Variants in ELF1 observed in about 807,000 individuals in gnomAD.
ELF1 encodes the protein E74 like ETS transcription factor 1.
A neutral mutation model predicts 59.9 loss-of-function variants in ELF1; 24 were observed. The observed-to-expected ratio is 0.40, with a 90% CI of 0.29 to 0.56. The LOEUF (loss-of-function observed/expected upper bound fraction) is 0.56. ELF1 is among the 20% of genes least tolerant of loss of function. The pLI, the probability that ELF1 is intolerant of heterozygous loss-of-function variation, is 0.44. For synonymous variants in ELF1, 248 were observed against 266.2 expected (o/e 0.93, Z 0.67); for missense variants, 627 against 742.2 (o/e 0.84, Z 1.80).
intron 3 of ELF1, among the ~76,000 whole-genome samples, chr13:40,955,946 G>GGT (rs1430558417): frequency 3.5e-5 from 4 of 115,920 alleles, no homozygotes; most frequent in Admixed American, 7.7e-5. Flanking sequence ...CCGGGAGGGA[G>GGT]GCGGGGGGGT....
At chr13:40,951,301 A>C in intron 4 of ELF1, 28 bp downstream of exon 4, 1 of 1,545,892 alleles carries the variant, frequency 6.5e-7, no homozygotes, top group Non-Finnish European at 8.9e-7. Context: ...AACAAAGTAC[A>C]TAAACATAAA....
At chr13:41,016,129 C>T (rs1416148458) in intron 1 of ELF1, among the ~76,000 whole-genome samples, 1 of 152,118 alleles carries the variant, frequency 6.6e-6, no homozygotes, top group Non-Finnish European at 1.5e-5. Context: ...TGGTTCTGTT[C>T]TTTACTTCAC....
At chr13:40,974,919 T>TC (rs1294400397) in intron 2 of ELF1, among the ~76,000 whole-genome samples, 1 of 152,186 alleles carries the variant, frequency 6.6e-6, no homozygotes, top group Non-Finnish European at 1.5e-5. Flanking sequence ...CAGAAGGCAA[T>TC]CAGGCTTGTA....
chr13:40,974,257 A>G (rs552167179), intron 2 of ELF1, among the ~76,000 whole-genome samples: 51 of 148,690 alleles, frequency 3.4e-4, no homozygotes, highest in Admixed American at 1.1e-3. Context: ...CTGTAATTAT[A>G]CTAATTAGCT....
At chr13:41,015,169 A>G (rs1028762065) in intron 1 of ELF1, among the ~76,000 whole-genome samples, 7 of 152,180 alleles carry the variant, frequency 4.6e-5, no homozygotes, top group African/African-American at 1.7e-4. Context: ...CAACAATTGG[A>G]ACCAAAACAA....
chr13:40,983,363 A>C (rs886574025), intron 1 of ELF1, among the ~76,000 whole-genome samples: 1 of 152,232 alleles, frequency 6.6e-6, no homozygotes, highest in Non-Finnish European at 1.5e-5. Context: ...CTAGTGAATC[A>C]GTTTCCCTGA....
At chr13:41,012,167 G>A (rs1219342680) in intron 1 of ELF1, among the ~76,000 whole-genome samples, 1 of 151,874 alleles carries the variant, frequency 6.6e-6, no homozygotes, top group East Asian at 1.9e-4. Flanking sequence ...AGATAAATTA[G>A]CTAGGCGCCA....
chr13:40,962,388 A>G (rs1871882096), intron 2 of ELF1, among the ~76,000 whole-genome samples: 1 of 152,164 alleles, frequency 6.6e-6, no homozygotes, highest in African/African-American at 2.4e-5. Flanking sequence ...CTTTGGGATT[A>G]AAAAAAGAGA....
rs550098534 is a variant in ELF1, at chr13:41,042,935, G to A, written c.-229+17903C>T. Reference sequence around the variant, plus strand: ...ACAGTACCACCAACAGTGTAAAAGTGTTCCTATTTCTCCACATCCTCTCCA... The same window carrying A: ...ACAGTACCACCAACAGTGTAAAAGTATTCCTATTTCTCCACATCCTCTCCA... On this transcript the variant is annotated intron_variant, in intron 1 of 1. Coordinates refer to the ELF1 transcript ENST00000405737. 3.3e-5 allele frequency among the ~76,000 whole-genome samples: 5 copies of A among 152,292 alleles called. No individual in the cohort carries two copies. In the South Asian group the frequency reaches 1.0e-3, roughly 32 times the overall value.
exon 1 of ELF1, chr13:41,060,975 G>A (rs962190234): frequency 3.3e-6 from 1 of 303,416 alleles, no homozygotes; most frequent in Admixed American, 4.5e-5. Flanking sequence ...CCCGAGCTAG[G>A]GAACAAGCCC....
intron 3 of ELF1, among the ~76,000 whole-genome samples, chr13:40,955,393 C>T (rs9562253): frequency 0.41 from 54,208 of 132,858 alleles, 14,205 homozygotes; most frequent in East Asian, 0.78. Flanking sequence ...TCCCCCTGCC[C>T]GGCCAGCTGC....
At chr13:40,989,431 T>G (rs750876365) in intron 1 of ELF1, among the ~76,000 whole-genome samples, 6 of 152,214 alleles carry the variant, frequency 3.9e-5, no homozygotes, top group Non-Finnish European at 5.9e-5. Flanking sequence ...TTTAAGAAAG[T>G]TGAGAGAAAG....
chr13:40,954,494 C>T (rs1333034226), intron 3 of ELF1, among the ~76,000 whole-genome samples: 3 of 151,306 alleles, frequency 2.0e-5, no homozygotes, highest in African/African-American at 7.3e-5. Flanking sequence ...CCCCCTGATG[C>T]CGAGCCAAAG....
intron 1 of ELF1, among the ~76,000 whole-genome samples, chr13:41,049,843 C>T (rs1004338810): frequency 6.6e-6 from 1 of 152,190 alleles, no homozygotes; most frequent in Non-Finnish European, 1.5e-5. Context: ...TCCGTCTCTC[C>T]CACTAAACTG....
intron 3 of ELF1, among the ~76,000 whole-genome samples, chr13:40,953,129 A>G (rs1360980862): frequency 6.6e-6 from 1 of 152,068 alleles, no homozygotes; most frequent in Non-Finnish European, 1.5e-5. Flanking sequence ...GGCATGTGCC[A>G]CCATGCCCAG....
intron 5 of ELF1, among the ~76,000 whole-genome samples, chr13:40,944,576 A>G (rs1482868915): frequency 6.6e-6 from 1 of 152,316 alleles, no homozygotes; most frequent in East Asian, 1.9e-4. Context: ...CAATGTCTAA[A>G]TAAGTCCATC....
chr13:40,992,484 A>C (rs1873905169), intron 1 of ELF1, among the ~76,000 whole-genome samples: 1 of 152,260 alleles, frequency 6.6e-6, no homozygotes, highest in Admixed American at 6.5e-5. Flanking sequence ...GTTAGGTATA[A>C]GTCAACAGTT....
intron 1 of ELF1, among the ~76,000 whole-genome samples, chr13:40,989,003 G>A (rs1873701839): frequency 6.6e-6 from 1 of 152,120 alleles, no homozygotes; most frequent in African/African-American, 2.4e-5. Context: ...TCACTATGTT[G>A]CCCAAGGTGG....
At chr13:40,993,493 A>G (rs180814932) in intron 1 of ELF1, among the ~76,000 whole-genome samples, 17 of 151,932 alleles carry the variant, frequency 1.1e-4, no homozygotes, top group African/African-American at 4.1e-4. Context: ...GTTTTTATTT[A>G]TTTTTTAGAG....
Sources: allele counts gnomAD v4.1 joint callset (sites outside exome capture counted in the v4.1 genomes callset), GRCh38; gene constraint gnomAD v4.1.1; transcripts MANE v1.5; gene names NCBI Gene and HGNC (gene_info 2026-07-23, HGNC 2026-07-21).